CSRNP3: variants seen among roughly 807,000 people sequenced by gnomAD.
CSRNP3 encodes the protein cysteine/serine-rich nuclear protein 3.
CSRNP3 carries 12 observed loss-of-function variants against 48.0 expected under a neutral mutation model. The observed-to-expected ratio is 0.25, with a 90% CI of 0.16 to 0.41. The LOEUF (loss-of-function observed/expected upper bound fraction) is 0.41. CSRNP3 is among the 10% of genes least tolerant of loss of function. The pLI is 1.00. For synonymous variants in CSRNP3, 263 were observed against 269.7 expected, an observed-to-expected ratio of 0.98 and a Z score of 0.24; for missense variants, 580 against 724.4, an observed-to-expected ratio of 0.80 and a Z score of 2.29.
chr2:165,592,335 C>T (rs1448056666), intron 3 of CSRNP3, among the ~76,000 whole-genome samples: 1 of 152,160 alleles, frequency 6.6e-6, no homozygotes, highest in East Asian at 1.9e-4. Context: ...TTTACAGGCT[C>T]ATAAACAGAA....
In CSRNP3 at chr2:165,667,027, AGAGG is replaced by A. The variant is rs1214887847; in HGVS notation, c.408+9008_408+9011del. ...AGAGGAAGGAAGGAAGGAAAGAGAG[AGAGG>A]AAGAAAGAAAGAGAGAGAGAAAGGA... On this transcript the variant is annotated intron_variant, in intron 5 of 6. Transcript: ENST00000651982. 4.3e-4 allele frequency among the ~76,000 whole-genome samples: 14 copies of A among 32,540 alleles called. 1 individual carries two copies. The highest frequency in any genetic ancestry group is 8.3e-4 in the African/African-American group (13 of 15,746). 21.3% of individuals were successfully genotyped at this position (32,540 alleles called of 152,430 possible).
chr2:165,531,627 C>T (rs948343498), intron 3 of CSRNP3, among the ~76,000 whole-genome samples: 1 of 151,922 alleles, frequency 6.6e-6, no homozygotes, highest in Non-Finnish European at 1.5e-5. Context: ...GGTGTGACAC[C>T]CTAACATCAC....
intron 4 of CSRNP3, among the ~76,000 whole-genome samples, chr2:165,644,187 C>T (rs940697823): frequency 6.6e-6 from 1 of 152,064 alleles, no homozygotes. Context: ...CATGTTAGGT[C>T]TTCTGATATG....
In CSRNP3 at chr2:165,475,608, G is replaced by A. The variant is rs1223172163; in HGVS notation, c.-283+5868G>A. 2.6e-5 allele frequency among the ~76,000 whole-genome samples: 4 copies of A among 152,176 alleles called. No individual in the cohort carries two copies. In the East Asian group the frequency reaches 7.7e-4, roughly 29 times the overall value. ...TGCCTAATACAATGCCTGATACACA[G>A]TATGTGCCCCCAGATTGTTTTGCCG... is the stretch of plus-strand genomic sequence containing the variant. On this transcript the variant is annotated intron_variant, in intron 1 of 6. Coordinates refer to ENST00000651982, the MANE Select transcript of CSRNP3 (RefSeq NM_001172173.2).
Position 165,523,952 on chromosome 2 carries a change from G to A in CSRNP3, c.-24+5991G>A, listed in dbSNP as rs543221006. Among the ~76,000 whole-genome samples the A allele has an allele frequency of 3.9e-5, 6 of 152,242 alleles. No homozygotes were observed. In the East Asian group the frequency reaches 9.6e-4, roughly 24 times the overall value. On this transcript the variant is annotated intron_variant, in intron 3 of 6. Transcript: ENST00000651982. Reference sequence around the variant, plus strand: ...ATCATGACTTTGTTAATGACATAGAGGTCAATACCTCCAACCCTATTCTTC... The same window carrying A: ...ATCATGACTTTGTTAATGACATAGAAGTCAATACCTCCAACCCTATTCTTC...
intron 3 of CSRNP3, among the ~76,000 whole-genome samples, chr2:165,578,504 A>G (rs1685488465): frequency 6.6e-6 from 1 of 152,102 alleles, no homozygotes; most frequent in Non-Finnish European, 1.5e-5. Context: ...AACTTGATCT[A>G]AAGGACTGTT....
At chr2:165,587,727 A>C (rs1338319950) in intron 3 of CSRNP3, among the ~76,000 whole-genome samples, 2 of 152,204 alleles carry the variant, frequency 1.3e-5, no homozygotes, top group Non-Finnish European at 2.9e-5. Context: ...TCTTTTGCTT[A>C]AGTTAGTCTA....
At chr2:165,544,924 A>T (rs542434673) in intron 3 of CSRNP3, among the ~76,000 whole-genome samples, 1 of 152,322 alleles carries the variant, frequency 6.6e-6, no homozygotes, top group Admixed American at 6.5e-5. Context: ...CAATTTAACG[A>T]AAAGGTTAGG....
intron 4 of CSRNP3, among the ~76,000 whole-genome samples, chr2:165,645,681 C>G (rs1315751623): frequency 6.6e-6 from 1 of 152,176 alleles, no homozygotes; most frequent in Non-Finnish European, 1.5e-5. Flanking sequence ...CCAACTGTCC[C>G]TCTCTTAGCT....
chr2:165,587,672 G>A (rs1192338799), intron 3 of CSRNP3, among the ~76,000 whole-genome samples: 1 of 152,196 alleles, frequency 6.6e-6, no homozygotes, highest in Admixed American at 6.5e-5. Context: ...GTTTCAAGCT[G>A]TATCGTAGAT....
At chr2:165,600,317 T>C (rs1328146551) in intron 4 of CSRNP3, among the ~76,000 whole-genome samples, 2 of 149,924 alleles carry the variant, frequency 1.3e-5, no homozygotes, top group African/African-American at 4.9e-5. Flanking sequence ...CCACATTTTC[T>C]TAATCCAGTC....
chr2:165,578,100 G>A (rs1466668419), intron 3 of CSRNP3, among the ~76,000 whole-genome samples: 1 of 151,904 alleles, frequency 6.6e-6, no homozygotes, highest in Non-Finnish European at 1.5e-5. Context: ...TCTCTAACAG[G>A]TATACAAAAG....
Position 165,494,806 on chromosome 2 carries a change from T to A in CSRNP3, c.-235T>A, listed in dbSNP as rs1466240187. The A allele has an allele frequency of 1.2e-4, 26 of 212,132 alleles. No individual in the cohort carries two copies. Among genetic ancestry groups the A allele is most frequent in the Non-Finnish European group, 1.1e-5 (1 of 93,310 alleles). The allele number at this position is 212,132 out of a possible 1,614,324, so 13.1% of individuals were successfully genotyped here. A position where few individuals can be genotyped will look rare whatever the true frequency, so the allele number is the denominator to read the frequency against. ...TATGAGTGGAATTTTAAAGGGGAAG[T>A]TTGAAGAAGTCAACGGCTCCTCACC... On this transcript the variant is annotated 5_prime_UTR_variant, in exon 2 of 7. Transcript: ENST00000651982.
intron 3 of CSRNP3, among the ~76,000 whole-genome samples, chr2:165,567,148 A>G (rs1685307765): frequency 6.6e-6 from 1 of 152,078 alleles, no homozygotes; most frequent in South Asian, 2.1e-4. Flanking sequence ...TGCTCAGTTC[A>G]TATTTGACTT....
rs899356372 is a variant in CSRNP3 at position 165,684,259 on chromosome 2, A to G, written c.*4506A>G. On this transcript the variant is annotated 3_prime_UTR_variant, in exon 7 of 7. Coordinates refer to ENST00000651982, the MANE Select transcript of CSRNP3 (RefSeq NM_001172173.2). The stretch of plus-strand genomic sequence containing the variant: ...GACTCCATCACTTTCAGCTGGAGTT[A>G]CAAACCATCAAATTAGCAGGTGGAA... The G allele has an allele frequency of 1.3e-5, 2 of 152,134 alleles. No homozygotes were observed. The highest frequency in any genetic ancestry group is 4.8e-5 in the African/African-American group (2 of 41,452). 9.4% of individuals were successfully genotyped at this position (152,134 alleles called of 1,614,324 possible). A position where few individuals can be genotyped will look rare whatever the true frequency, so the allele number is the denominator to read the frequency against.
At chr2:165,591,632 T>C (rs376712044) in intron 3 of CSRNP3, among the ~76,000 whole-genome samples, 2 of 152,150 alleles carry the variant, frequency 1.3e-5, no homozygotes, top group East Asian at 1.9e-4. Context: ...CTGCTTCAGC[T>C]CCAGCCTTAG....
chr2:165,603,969 C>T (rs1551336), intron 4 of CSRNP3, among the ~76,000 whole-genome samples: 58,032 of 152,022 alleles, frequency 0.38, 11,263 homozygotes, highest in South Asian at 0.5. Context: ...AGGCAGGGCT[C>T]TCAAAATGAG....
rs948090752 is a variant in CSRNP3, at chr2:165,685,914, G to A, written c.*6161G>A. ...ATTCGTTAACTCATTTTAGTGACATGTGAGGCCATTTAAATATTTTTAAGA... is the reference window on the plus strand; with the variant it reads ...ATTCGTTAACTCATTTTAGTGACATATGAGGCCATTTAAATATTTTTAAGA... On this transcript the variant is annotated 3_prime_UTR_variant, in exon 7 of 7. Coordinates refer to ENST00000651982, the MANE Select transcript of CSRNP3 (RefSeq NM_001172173.2). The A allele has an allele frequency of 2.0e-5, 3 of 152,080 alleles. No homozygotes were observed. Among genetic ancestry groups the A allele is most frequent in the Non-Finnish European group, 4.4e-5 (3 of 68,002 alleles). 9.4% of individuals were successfully genotyped at this position (152,080 alleles called of 1,614,324 possible). A position where few individuals can be genotyped will look rare whatever the true frequency, so the allele number is the denominator to read the frequency against.
chr2:165,525,903 G>A (rs1472253497), intron 3 of CSRNP3, among the ~76,000 whole-genome samples: 1 of 151,910 alleles, frequency 6.6e-6, no homozygotes, highest in South Asian at 2.1e-4. Context: ...ATCTGTTTGG[G>A]GTTAATTTTT....
Sources: allele counts gnomAD v4.1 joint callset (sites outside exome capture counted in the v4.1 genomes callset), GRCh38; gene constraint gnomAD v4.1.1; transcripts MANE v1.5; gene names NCBI Gene and HGNC (gene_info 2026-07-23, HGNC 2026-07-21).